The following ADAMTS2 variants were observed in gnomAD, a reference collection of about 807,000 sequenced individuals.
The protein encoded by ADAMTS2 is A disintegrin and metalloproteinase with thrombospondin motifs 2.
A neutral mutation model predicts 123.0 loss-of-function variants in ADAMTS2; 50 were observed. The ratio of observed to expected loss-of-function variants is 0.41; its 90% CI spans 0.32 to 0.51. The LOEUF is 0.51. ADAMTS2 is among the 20% of genes least tolerant of loss of function. The pLI is 0.35. For missense variants in ADAMTS2, 1,494 were observed against 1,705.2 expected (o/e 0.88, Z 2.18); for synonymous variants, 678 against 695.4 (o/e 0.98, Z 0.39).
intron 2 of ADAMTS2, among the ~76,000 whole-genome samples, chr5:179,283,514 G>A (rs1354606645): frequency 1.3e-5 from 1 of 78,354 alleles, no homozygotes; most frequent in East Asian, 3.6e-4. Flanking sequence ...ACTGAAGGCA[G>A]ACCATATAGA....
At chr5:179,293,478 G>A (rs1179083765) in intron 2 of ADAMTS2, among the ~76,000 whole-genome samples, 1 of 152,266 alleles carries the variant, frequency 6.6e-6, no homozygotes, top group Admixed American at 6.5e-5. Context: ...GTGGACTGGA[G>A]TGTGCCAACG....
intron 2 of ADAMTS2, among the ~76,000 whole-genome samples, chr5:179,334,289 G>A (rs1468113868): frequency 1.3e-5 from 2 of 152,178 alleles, no homozygotes; most frequent in African/African-American, 4.8e-5. Context: ...GCGTAAATGG[G>A]GACTGGGTTT....
intron 1 of ADAMTS2, 25 bp from the exon 2 acceptor site, chr5:179,344,186 C>G (rs1313701676): frequency 6.4e-7 from 1 of 1,569,706 alleles, no homozygotes; most frequent in East Asian, 2.3e-5. Context: ...GGCGTTAGAT[C>G]GGCGGAGACC....
At chr5:179,200,308 G>C (rs1050281045) in intron 4 of ADAMTS2, among the ~76,000 whole-genome samples, 1 of 146,676 alleles carries the variant, frequency 6.8e-6, no homozygotes, top group Non-Finnish European at 1.5e-5. Context: ...GAGTGCAGTG[G>C]CGTCACCTCA....
rs1367023444 is a variant in ADAMTS2 at position 179,308,154 on chromosome 5, CAG to C, written c.535-35092_535-35091del. Among the ~76,000 whole-genome samples the C allele has an allele frequency of 6.6e-6, 1 of 152,192 alleles. No individual in the cohort carries two copies. Among genetic ancestry groups the C allele is most frequent in the African/African-American group, 2.4e-5 (1 of 41,432 alleles). On this transcript the variant is annotated intron_variant, in intron 2 of 21. Coordinates refer to ENST00000251582, the MANE Select transcript of ADAMTS2 (RefSeq NM_014244.5). This position sits in a 1 kb window ranked among gnomAD's most constrained non-coding sequence, Gnocchi z 6.6. ...TTCTGGAGCGACAACAAGGAGAAAACAGGGGTTTAAGTGGAGGATCCGGTGCT... is the reference window on the plus strand; with the variant it reads ...TTCTGGAGCGACAACAAGGAGAAAACGGGTTTAAGTGGAGGATCCGGTGCT...
chr5:179,330,475 C>T (rs1334066581), intron 2 of ADAMTS2, among the ~76,000 whole-genome samples: 1 of 152,254 alleles, frequency 6.6e-6, no homozygotes, highest in African/African-American at 2.4e-5. Flanking sequence ...CCTGCAACTG[C>T]CCCGGCTTTG....
At chr5:179,231,145 C>G (rs985906626) in intron 3 of ADAMTS2, among the ~76,000 whole-genome samples, 1 of 152,162 alleles carries the variant, frequency 6.6e-6, no homozygotes, top group Admixed American at 6.5e-5. Context: ...AAGCCAGGCC[C>G]AGAAGGACAA....
At chr5:179,192,680 C>T (rs1234484360) in intron 4 of ADAMTS2, among the ~76,000 whole-genome samples, 1 of 152,224 alleles carries the variant, frequency 6.6e-6, no homozygotes, top group Non-Finnish European at 1.5e-5. Context: ...CAGGCTGCAG[C>T]CAGGTTTCCT....
intron 4 of ADAMTS2, among the ~76,000 whole-genome samples, chr5:179,196,058 C>T (rs758114905): frequency 3.9e-5 from 6 of 152,154 alleles, no homozygotes; most frequent in Non-Finnish European, 5.9e-5. Flanking sequence ...CACTCCTGTC[C>T]GACCACTGCC....
At position 179,228,975 on chromosome 5, in the gene ADAMTS2, C is replaced by T. The variant is rs577314646; in HGVS notation, c.689-21260G>A. The stretch of plus-strand genomic sequence containing the variant: ...TGTGCTTGAGAGGTGACAGCCAGCA[C>T]GTGAGCAAGTGCCCTGGGTTCTGGT... On this transcript the variant is annotated intron_variant, in intron 3 of 21. Coordinates refer to ENST00000251582, the MANE Select transcript of ADAMTS2 (RefSeq NM_014244.5). The surrounding 1 kb of genome is among the most constrained non-coding windows in gnomAD (Gnocchi z 5.2). Among the ~76,000 whole-genome samples the T allele has an allele frequency of 1.4e-4, 21 of 152,306 alleles. No homozygotes were observed. The highest frequency in any genetic ancestry group is 4.1e-4 in the African/African-American group (17 of 41,562).
intron 3 of ADAMTS2, among the ~76,000 whole-genome samples, chr5:179,237,677 G>C (rs1765562506): frequency 6.6e-6 from 1 of 152,150 alleles, no homozygotes; most frequent in Non-Finnish European, 1.5e-5. Context: ...GGTTTAATGA[G>C]GACGGAATTA....
chr5:179,258,256 G>T (rs1021321338), intron 3 of ADAMTS2, among the ~76,000 whole-genome samples: 1 of 151,904 alleles, frequency 6.6e-6, no homozygotes, highest in Non-Finnish European at 1.5e-5. Context: ...TTCCCAGCCT[G>T]ACCCCCCCAG....
intron 2 of ADAMTS2, among the ~76,000 whole-genome samples, chr5:179,339,137 T>C (rs116095929): frequency 0.015 from 2,340 of 152,302 alleles, 67 homozygotes; most frequent in African/African-American, 0.053. Context: ...CCCCTCTTCA[T>C]TCCAGAGTTT....
chr5:179,182,259 C>T (rs911221171), intron 4 of ADAMTS2, among the ~76,000 whole-genome samples: 4 of 152,192 alleles, frequency 2.6e-5, no homozygotes, highest in African/African-American at 9.6e-5. Context: ...CAGGGATACC[C>T]GCTGAAAGGC....
At chr5:179,248,540 G>C (rs984622109) in intron 3 of ADAMTS2, among the ~76,000 whole-genome samples, 28 of 152,074 alleles carry the variant, frequency 1.8e-4, no homozygotes, top group Non-Finnish European at 3.5e-4. Flanking sequence ...AAAATGAAAA[G>C]ATGGATAAAG....
intron 4 of ADAMTS2, among the ~76,000 whole-genome samples, chr5:179,186,363 G>A (rs1025719931): frequency 2.0e-5 from 3 of 152,186 alleles, no homozygotes; most frequent in South Asian, 4.1e-4. Context: ...CTCAGTCCCC[G>A]TAGGTTAATA....
intron 3 of ADAMTS2, among the ~76,000 whole-genome samples, chr5:179,263,369 G>A (rs111731572): frequency 4.0e-5 from 6 of 150,818 alleles, no homozygotes; most frequent in Admixed American, 3.3e-4. Flanking sequence ...ATGATTTGGG[G>A]AGCAGCATTA....
chr5:179,216,895 C>T (rs1476805932), intron 3 of ADAMTS2, among the ~76,000 whole-genome samples: 1 of 152,224 alleles, frequency 6.6e-6, no homozygotes, highest in African/African-American at 2.4e-5. Context: ...GGCAGTCTGG[C>T]ACTACTGAGG....
chr5:179,317,788 C>A lies in ADAMTS2; in HGVS notation c.534+25979G>T, dbSNP rs1347139236. 3.3e-5 allele frequency among the ~76,000 whole-genome samples: 5 copies of A among 152,200 alleles called. No individual in the cohort carries two copies. Among genetic ancestry groups the A allele is most frequent in the African/African-American group, 9.6e-5 (4 of 41,452 alleles). The stretch of plus-strand genomic sequence containing the variant: ...CCAGCTGAGACTCCCTGGCCAGACT[C>A]ATCGCCAGCTGGGGAGAGTGGAGCA... On this transcript the variant is annotated intron_variant, in intron 2 of 21. Transcript: ENST00000251582. The surrounding 1 kb of genome is among the most constrained non-coding windows in gnomAD (Gnocchi z 4.9).
Sources: gnomAD v4.1 joint callset for allele counts (sites outside exome capture counted in the v4.1 genomes callset) on GRCh38, gnomAD v4.1.1 for gene constraint, Gnocchi (gnomAD v3.1) non-coding constraint, MANE v1.5 for transcripts, NCBI Gene and HGNC (gene_info 2026-07-23, HGNC 2026-07-21) for gene names.